Variants in PSD3 observed in about 807,000 individuals in gnomAD.
The protein encoded by PSD3 is PH and SEC7 domain-containing protein 3.
In PSD3, 49 loss-of-function variants were observed where a neutral mutation model predicts 105.5. That is an observed-to-expected ratio of 0.46 (90% CI 0.37 to 0.59). The LOEUF (loss-of-function observed/expected upper bound fraction) is 0.59, where lower values mean the gene tolerates loss of function less well. Among genes scored for constraint, PSD3 ranks in the 20% least tolerant of loss-of-function variants. PSD3 has a pLI of 0.00. For synonymous variants in PSD3, 557 were observed against 457.8 expected, an observed-to-expected ratio of 1.22 and a Z score of -2.77; for missense variants, 1,561 against 1,263.8, an observed-to-expected ratio of 1.24 and a Z score of -3.57.
intron 1 of PSD3, among the ~76,000 whole-genome samples, chr8:18,942,963 C>G (rs1039940472): frequency 3.3e-5 from 5 of 152,146 alleles, no homozygotes; most frequent in Non-Finnish European, 7.3e-5. Context: ...TATCCTTGCA[C>G]CAGCCCACAC....
At chr8:18,701,177 C>A (rs1801559657) in intron 9 of PSD3, among the ~76,000 whole-genome samples, 1 of 145,886 alleles carries the variant, frequency 6.9e-6, no homozygotes. Flanking sequence ...TCTATGTTGT[C>A]CAGGTTGGTC....
chr8:18,737,311 T>C (rs918853737), intron 9 of PSD3, among the ~76,000 whole-genome samples: 1 of 152,160 alleles, frequency 6.6e-6, no homozygotes, highest in African/African-American at 2.4e-5. Context: ...GGTACTATGC[T>C]GTGCTATTTG....
In PSD3 at chr8:18,572,629, C is replaced by T. The variant is rs1329604955; in HGVS notation, c.2683G>A (p.Val895Met). The T allele has an allele frequency of 7.4e-6, 12 of 1,613,924 alleles. No homozygotes were observed. The highest frequency in any genetic ancestry group is 1.0e-5 in the Non-Finnish European group (12 of 1,179,942). The part of the protein sequence containing the change: ...MQGWINKINC[V>M]AAVFSAPPFP... ...GGTGGTGCAGAAAATACAGCTGCCA[C>T]ACAATTGATTTTGTTTATCCACCCT... Residue 895 changes from valine (V) to methionine (M), a missense_variant, in exon 14 of 16, where the codon GTG becomes ATG. Coordinates refer to ENST00000327040, the MANE Select transcript of PSD3 (RefSeq NM_015310.4).
intron 1 of PSD3, among the ~76,000 whole-genome samples, chr8:19,057,622 GC>G (rs1828753261): frequency 6.6e-6 from 1 of 152,044 alleles, no homozygotes; most frequent in Non-Finnish European, 1.5e-5. Context: ...CTGGGACCCT[GC>G]TAAACATTTG....
In PSD3 at chr8:18,666,716, C is replaced by CT. The variant is rs1304985169; in HGVS notation, c.2173-11032dup. Among the ~76,000 whole-genome samples the CT allele has an allele frequency of 1.9e-4, 26 of 138,530 alleles. 1 individual carries two copies. Among genetic ancestry groups the CT allele is most frequent in the Admixed American group, 2.5e-4 (3 of 12,144 alleles). 90.9% of individuals were successfully genotyped at this position (138,530 alleles called of 152,430 possible). On this transcript the variant is annotated intron_variant, in intron 9 of 15. Transcript: ENST00000327040. ...AAGTGGGAATGTAGCTTCACTATTGCTTTTTTTTGGGGGGTGGGGGGAAGT... is the reference window on the plus strand; with the variant it reads ...AAGTGGGAATGTAGCTTCACTATTGCTTTTTTTTTGGGGGGTGGGGGGAAGT...
intron 1 of PSD3, among the ~76,000 whole-genome samples, chr8:18,964,026 T>C (rs571189346): frequency 2.9e-4 from 44 of 152,352 alleles, no homozygotes; most frequent in Non-Finnish European, 4.1e-4. Flanking sequence ...GCATAGTTTC[T>C]ACATATACTT....
chr8:18,593,749 A>C (rs1328483847), intron 12 of PSD3, among the ~76,000 whole-genome samples: 1 of 152,054 alleles, frequency 6.6e-6, no homozygotes, highest in Non-Finnish European at 1.5e-5. Flanking sequence ...GATAGACTGG[A>C]TTAAGAAAAT....
At chr8:18,586,259 G>C (rs1446239524) in intron 12 of PSD3, among the ~76,000 whole-genome samples, 1 of 152,168 alleles carries the variant, frequency 6.6e-6, no homozygotes, top group Non-Finnish European at 1.5e-5. Context: ...AATGGAGACT[G>C]TGAGGACTTG....
In PSD3 at chr8:18,534,725, A is replaced by G. The variant is rs1400082851; in HGVS notation, c.*1018T>C. 6.6e-6 allele frequency: 1 copy of G among 152,428 alleles called. No individual in the cohort carries two copies. The highest frequency in any genetic ancestry group is 2.4e-5 in the African/African-American group (1 of 41,426). The allele number at this position is 152,428 out of a possible 1,614,324, so 9.4% of individuals were successfully genotyped here. ...CTTATTTTGTCTTAAGGACACAAGAAAAGCTGTTTCATTTTAGTATTAATT... is the reference window on the plus strand; with the variant it reads ...CTTATTTTGTCTTAAGGACACAAGAGAAGCTGTTTCATTTTAGTATTAATT... On this transcript the variant is annotated 3_prime_UTR_variant, in exon 16 of 16. Transcript: ENST00000327040.
rs550723916 is a variant in PSD3 at position 18,839,015 on chromosome 8, G to A, written c.1634+28659C>T. 9.2e-5 allele frequency among the ~76,000 whole-genome samples: 14 copies of A among 151,744 alleles called. 1 individual carries two copies. The South Asian group carries it at 2.7e-3, about 29-fold the overall frequency. ...GGCTTATCATACAAATGGGATGACA[G>A]ACAACTCAAAACCAACTTTAAAACA... On this transcript the variant is annotated intron_variant, in intron 4 of 15. Coordinates refer to ENST00000327040, the MANE Select transcript of PSD3 (RefSeq NM_015310.4).
intron 11 of PSD3, among the ~76,000 whole-genome samples, chr8:18,618,125 T>A (rs1805830725): frequency 6.6e-6 from 1 of 152,206 alleles, no homozygotes; most frequent in South Asian, 2.1e-4. Flanking sequence ...CTCAAATATT[T>A]ATTTATGCTG....
At chr8:18,737,376 G>T (rs1804231461) in intron 9 of PSD3, among the ~76,000 whole-genome samples, 1 of 152,160 alleles carries the variant, frequency 6.6e-6, no homozygotes. Context: ...GCCCAGGATG[G>T]AATGCAGTGC....
At chr8:19,029,675 C>T (rs1246676478) in intron 1 of PSD3, among the ~76,000 whole-genome samples, 3 of 152,174 alleles carry the variant, frequency 2.0e-5, no homozygotes, top group South Asian at 2.1e-4. Flanking sequence ...CCTCTTACCA[C>T]AGGGAACTAC....
intron 1 of PSD3, among the ~76,000 whole-genome samples, chr8:18,994,287 A>C (rs2129473759): frequency 6.6e-6 from 1 of 152,196 alleles, no homozygotes; most frequent in Non-Finnish European, 1.5e-5. Flanking sequence ...ACATGTTTGT[A>C]TTCTCTGCAT....
intron 9 of PSD3, among the ~76,000 whole-genome samples, chr8:18,712,212 G>C (rs928980585): frequency 6.6e-6 from 1 of 151,112 alleles, no homozygotes; most frequent in African/African-American, 2.4e-5. Flanking sequence ...ACAACTAAAA[G>C]AACTAGAGAA....
chr8:18,823,034 C>T (rs1242379019), intron 4 of PSD3, among the ~76,000 whole-genome samples: 1 of 146,888 alleles, frequency 6.8e-6, no homozygotes, highest in East Asian at 2.0e-4. Context: ...ATTTCTAAAG[C>T]ATATAATAGA....
In PSD3 at chr8:18,872,299, C is replaced by G; in HGVS notation, c.565G>C (p.Ala189Pro). 2 of 1,614,194 alleles carry G rather than the reference C, an allele frequency of 1.2e-6. No homozygotes were observed. The highest frequency in any genetic ancestry group is 2.2e-5 in the East Asian group (1 of 44,884). ...KTQRVNKTLP[A>P]GQKNLPEIPL... ...ATTTCTGGTAAATTTTTTTGGCCAG[C>G]AGGGAGCGTTTTGTTGACTCTCTGT... Residue 189 changes from alanine to proline, a missense_variant, in exon 3 of 16, where the codon GCT (alanine) becomes CCT (proline). Ala to Pro is a conservative substitution (Grantham distance 27). Coordinates refer to ENST00000327040, the MANE Select transcript of PSD3 (RefSeq NM_015310.4).
chr8:18,639,798 A>G (rs896090484), intron 10 of PSD3, among the ~76,000 whole-genome samples: 2 of 152,184 alleles, frequency 1.3e-5, no homozygotes, highest in Non-Finnish European at 2.9e-5. Flanking sequence ...ATATACTTAG[A>G]TGCTACCTCA....
At chr8:18,864,731 T>C (rs1188512230) in intron 4 of PSD3, 2 of 152,254 alleles carry the variant, frequency 1.3e-5, no homozygotes, top group South Asian at 2.1e-4. Flanking sequence ...TTTGTAAATA[T>C]ATTAATACAA....
Sources: allele counts gnomAD v4.1 joint callset (sites outside exome capture counted in the v4.1 genomes callset), GRCh38; gene constraint gnomAD v4.1.1; transcripts MANE v1.5; gene names NCBI Gene and HGNC (gene_info 2026-07-23, HGNC 2026-07-21).